The following CNBD1 variants were observed in gnomAD, a reference collection of about 807,000 sequenced individuals.
The protein encoded by CNBD1 is cyclic nucleotide-binding domain-containing protein 1.
CNBD1 carries 71 observed loss-of-function variants against 54.4 expected under a neutral mutation model. That is an observed-to-expected ratio of 1.30 (90% confidence interval 1.08 to 1.59). CNBD1 has a LOEUF of 1.59. Ranked by LOEUF, CNBD1 falls within the 40% of genes most tolerant of loss-of-function variation. The probability of loss-of-function intolerance (pLI) is 0.00; values close to 1 mark genes in which losing one functional copy is unlikely to be tolerated. For missense variants in CNBD1, 659 were observed against 518.0 expected (o/e 1.27, Z -2.64); for synonymous variants, 182 against 170.7 (o/e 1.07, Z -0.51).
At chr8:87,193,578 T>C (rs1270594233) in intron 4 of CNBD1, among the ~76,000 whole-genome samples, 2 of 152,222 alleles carry the variant, frequency 1.3e-5, no homozygotes, top group African/African-American at 4.8e-5. Flanking sequence ...GTAACAATAA[T>C]CAGCATCTCT....
At chr8:87,345,856 T>C (rs1810164285) in intron 8 of CNBD1, among the ~76,000 whole-genome samples, 3 of 152,004 alleles carry the variant, frequency 2.0e-5, no homozygotes, top group Non-Finnish European at 4.4e-5. Context: ...CTACTGAAAA[T>C]AAAAAGAAGT....
At chr8:87,072,430 TG>T (rs767427087) in intron 4 of CNBD1, among the ~76,000 whole-genome samples, 1 of 152,356 alleles carries the variant, frequency 6.6e-6, no homozygotes, top group African/African-American at 2.4e-5. Context: ...TATTGTTTTT[TG>T]TAGTGACTGA....
chr8:87,334,926 A>T (rs1024312969), intron 8 of CNBD1, among the ~76,000 whole-genome samples: 3 of 151,716 alleles, frequency 2.0e-5, no homozygotes, highest in Non-Finnish European at 4.4e-5. Context: ...GGTTTCCACC[A>T]TTTTGGCCAG....
chr8:87,320,468 A>G (rs1191564850), intron 8 of CNBD1, among the ~76,000 whole-genome samples: 1 of 152,100 alleles, frequency 6.6e-6, no homozygotes, highest in Non-Finnish European at 1.5e-5. Flanking sequence ...ATGTGATGAT[A>G]ATTCTGGAGT....
intron 4 of CNBD1, among the ~76,000 whole-genome samples, chr8:86,960,690 G>A (rs1268914569): frequency 3.9e-5 from 6 of 152,202 alleles, no homozygotes; most frequent in Non-Finnish European, 7.3e-5. Flanking sequence ...GCCTCCTCAA[G>A]TGGGTCCCTG....
At chr8:87,376,315 A>G (rs193030785) in intron 10 of CNBD1, among the ~76,000 whole-genome samples, 1 of 151,798 alleles carries the variant, frequency 6.6e-6, no homozygotes, top group African/African-American at 2.4e-5. Flanking sequence ...TTCTCCTTGT[A>G]TTCTCACATG....
intron 6 of CNBD1, among the ~76,000 whole-genome samples, chr8:87,242,462 A>G (rs1807727684): frequency 6.6e-6 from 1 of 152,122 alleles, no homozygotes; most frequent in Non-Finnish European, 1.5e-5. Flanking sequence ...CTTTATATTA[A>G]TTAACCCTTT....
intron 4 of CNBD1, among the ~76,000 whole-genome samples, chr8:87,175,760 A>G (rs1813184049): frequency 6.6e-6 from 1 of 152,140 alleles, no homozygotes; most frequent in East Asian, 1.9e-4. Context: ...CCTGCCCCCC[A>G]AGCTCGCTGG....
intron 2 of CNBD1, among the ~76,000 whole-genome samples, chr8:87,423,116 A>G (rs532499086): frequency 1.3e-5 from 2 of 152,204 alleles, no homozygotes; most frequent in East Asian, 1.9e-4. Context: ...ATTTTTGCAC[A>G]TTGATTTTGT....
intron 4 of CNBD1, among the ~76,000 whole-genome samples, chr8:87,137,088 TTTATA>T (rs1224854414): frequency 4.4e-5 from 5 of 113,534 alleles, no homozygotes; most frequent in Non-Finnish European, 8.5e-5. Context: ...ATTATATATA[TTTATA>T]TTATATGTAA....
At chr8:87,239,714 G>T (rs916009690) in intron 6 of CNBD1, among the ~76,000 whole-genome samples, 1 of 152,084 alleles carries the variant, frequency 6.6e-6, no homozygotes, top group Non-Finnish European at 1.5e-5. Flanking sequence ...ATGTATAGTT[G>T]TGAATAAAAA....
At chr8:87,099,214 TC>T (rs1160685089) in intron 4 of CNBD1, among the ~76,000 whole-genome samples, 2 of 152,058 alleles carry the variant, frequency 1.3e-5, no homozygotes, top group Non-Finnish European at 2.9e-5. Context: ...TAGGGGTTTG[TC>T]AGTTTAGAAA....
At chr8:87,386,013 G>C (rs1811177374), downstream of CNBD1, among the ~76,000 whole-genome samples, 2 of 152,124 alleles carry the variant, frequency 1.3e-5, no homozygotes, top group South Asian at 2.1e-4. Context: ...ACATAGTCTG[G>C]AGTGGACCTC....
chr8:87,361,537 C>A (rs1033754279), intron 10 of CNBD1, among the ~76,000 whole-genome samples: 8 of 151,542 alleles, frequency 5.3e-5, no homozygotes, highest in African/African-American at 1.9e-4. Context: ...ATATTGATAT[C>A]TAATGTTTAT....
At chr8:87,415,030 T>C (rs1183880867) in intron 2 of CNBD1, among the ~76,000 whole-genome samples, 1 of 152,068 alleles carries the variant, frequency 6.6e-6, no homozygotes, top group Non-Finnish European at 1.5e-5. Context: ...AAGGGGGACC[T>C]GCTCAGTGCC....
chr8:87,041,611 A>T (rs759303808), intron 4 of CNBD1, among the ~76,000 whole-genome samples: 2 of 152,190 alleles, frequency 1.3e-5, no homozygotes, highest in Admixed American at 6.5e-5. Context: ...ATCCTGGCTA[A>T]CACGGTGAAA....
intron 8 of CNBD1, among the ~76,000 whole-genome samples, chr8:87,341,407 G>A (rs1256106277): frequency 2.0e-5 from 3 of 152,094 alleles, no homozygotes; most frequent in African/African-American, 7.2e-5. Flanking sequence ...ATCCCTAGGG[G>A]GAAACTGGTT....
At chr8:87,112,954 A>T (rs1811694686) in intron 4 of CNBD1, among the ~76,000 whole-genome samples, 2 of 152,204 alleles carry the variant, frequency 1.3e-5, no homozygotes, top group Admixed American at 1.3e-4. Context: ...GTAAGGGAAG[A>T]TCAGGATGGG....
chr8:87,305,666 C>T (rs1005663270), intron 8 of CNBD1, among the ~76,000 whole-genome samples: 16 of 151,974 alleles, frequency 1.1e-4, no homozygotes, highest in African/African-American at 3.4e-4. Context: ...AAGGAACCCT[C>T]TTCAACAAAT....
Sources: allele counts gnomAD v4.1 joint callset (sites outside exome capture counted in the v4.1 genomes callset), GRCh38; gene constraint gnomAD v4.1.1; transcripts MANE v1.5; gene names NCBI Gene and HGNC (gene_info 2026-07-23, HGNC 2026-07-21).